Variants in ACOT11 observed in about 807,000 individuals in gnomAD.
The protein encoded by ACOT11 is acyl-coenzyme A thioesterase 11.
In ACOT11, 69 loss-of-function variants were observed where a neutral mutation model predicts 77.5. The ratio of observed to expected loss-of-function variants is 0.89; its 90% confidence interval spans 0.73 to 1.09. ACOT11 has a LOEUF of 1.09. Ranked by LOEUF, ACOT11 falls within the 50% of genes least tolerant of loss-of-function variation. The pLI is 0.00. For missense variants in ACOT11, 766 were observed against 813.7 expected, an observed-to-expected ratio of 0.94 and a Z score of 0.71; for synonymous variants, 279 against 313.0, an observed-to-expected ratio of 0.89 and a Z score of 1.15.
chr1:54,620,145 C>T, intron 15 of ACOT11: 1 of 893,534 alleles, frequency 1.1e-6, no homozygotes, highest in South Asian at 1.8e-5. Context: ...GGCTCAGACT[C>T]ACTGGTGCTA....
chr1:54,574,224 C>T (rs1356322108), intron 1 of ACOT11, among the ~76,000 whole-genome samples: 2 of 152,162 alleles, frequency 1.3e-5, no homozygotes, highest in Non-Finnish European at 2.9e-5. Context: ...GGGACAGCGC[C>T]CAAACAATAC....
At chr1:54,569,483 C>T (rs537062863) in intron 1 of ACOT11, among the ~76,000 whole-genome samples, 2 of 152,220 alleles carry the variant, frequency 1.3e-5, no homozygotes, top group Non-Finnish European at 2.9e-5. Context: ...TCCTGAGCCA[C>T]TCCTTGTTCC....
In ACOT11 at chr1:54,584,604, C is replaced by G. The variant is rs1394088194; in HGVS notation, c.34-51C>G. On this transcript the variant is annotated intron_variant, in intron 1 of 15. Transcript: ENST00000343744. The surrounding 1 kb of genome is among the most constrained non-coding windows in gnomAD (Gnocchi z 6.3). ...TCAGGGCTGGACAGACCTGGGAGAC[C>G]CTGCAGCAAGCAGACCTCTCTGTCC... The G allele has an allele frequency of 1.3e-6, 2 of 1,558,218 alleles. No individual in the cohort carries two copies. The highest frequency in any genetic ancestry group is 1.8e-5 in the Admixed American group (1 of 55,536).
chr1:54,603,937 G>A lies in ACOT11; in HGVS notation c.1152G>A (p.Gln384=), dbSNP rs748635942. 4 of 1,613,978 alleles carry A rather than the reference G, an allele frequency of 2.5e-6. No individual in the cohort carries two copies. The highest frequency in any genetic ancestry group is 3.4e-6 in the Non-Finnish European group (4 of 1,179,872). ...PLSVPWDPSN[Q]VYLSYNNVSS... ...CCGTCCCCTGGGACCCTAGCAACCA[G>A]GTAAGGCTCTCTGCTCCGAGAGGAC... Residue 384 remains glutamine (Q), a splice_region_variant and synonymous_variant, in exon 11 of 16, where the codon CAG becomes CAA. Coordinates refer to ENST00000343744, the MANE Select transcript of ACOT11 (RefSeq NM_147161.4).
chr1:54,600,937 G>T (rs1643953636), intron 8 of ACOT11, among the ~76,000 whole-genome samples: 1 of 152,110 alleles, frequency 6.6e-6, no homozygotes, highest in South Asian at 2.1e-4. Context: ...GACTGGACAG[G>T]TTTATTCACT....
chr1:54,599,181 A>AAT (rs1189803916), intron 7 of ACOT11, 115 bp from the exon 8 acceptor site: 140 of 34,024 alleles, frequency 4.1e-3, no homozygotes, highest in East Asian at 0.013. Flanking sequence ...AAAAAAAAAA[A>AAT]ATATATATAT....
chr1:54,599,469 TGACCCTAGAAAG>T (rs1281721920), intron 8 of ACOT11, 54 bp downstream of exon 8: 1 of 1,485,114 alleles, frequency 6.7e-7, no homozygotes, highest in Admixed American at 1.8e-5. Context: ...GGGCTCTTCC[TGACCCTAGAAAG>T]GACCCTACTT....
intron 15 of ACOT11, chr1:54,621,380 C>T (rs1644228416): frequency 6.6e-6 from 1 of 152,114 alleles, no homozygotes. Flanking sequence ...TTGCTTGAAC[C>T]TGGGAGGCGG....
chr1:54,604,309 G>C (rs1371184600), intron 11 of ACOT11, 37 bp from the exon 12 acceptor site: 6 of 1,595,580 alleles, frequency 3.8e-6, no homozygotes, highest in African/African-American at 2.7e-5. Context: ...CTGAAGGAAG[G>C]GGGTGGGGTA....
chr1:54,571,662 C>T (rs1249087380), intron 1 of ACOT11, among the ~76,000 whole-genome samples: 2 of 152,198 alleles, frequency 1.3e-5, no homozygotes, highest in African/African-American at 4.8e-5. Flanking sequence ...AATCACAGCT[C>T]CTCTCCCACC....
At chr1:54,614,597 T>C (rs1644151610), downstream of ACOT11, 13 of 1,198,132 alleles carry the variant, frequency 1.1e-5, no homozygotes, top group Non-Finnish European at 1.2e-5. Flanking sequence ...CTATATATAG[T>C]ATGATTGGAG....
At chr1:54,565,528 A>G (rs1274578556) in intron 1 of ACOT11, among the ~76,000 whole-genome samples, 1 of 152,152 alleles carries the variant, frequency 6.6e-6, no homozygotes, top group Non-Finnish European at 1.5e-5. Flanking sequence ...CCAGGAGTGC[A>G]TGGGTGGCCC....
intron 15 of ACOT11, among the ~76,000 whole-genome samples, chr1:54,624,419 T>G (rs1644259216): frequency 6.6e-6 from 1 of 152,030 alleles, no homozygotes; most frequent in South Asian, 2.1e-4. Flanking sequence ...CGTGGGTCAT[T>G]CCTGAGTCCA....
chr1:54,625,712 C>T (rs1019484275), intron 15 of ACOT11, among the ~76,000 whole-genome samples: 5 of 151,648 alleles, frequency 3.3e-5, no homozygotes, highest in Admixed American at 1.3e-4. Context: ...CTGAGGTGGG[C>T]GGATCACCTG....
At chr1:54,550,489 G>A (rs922666966) in intron 1 of ACOT11, among the ~76,000 whole-genome samples, 6 of 152,246 alleles carry the variant, frequency 3.9e-5, no homozygotes, top group African/African-American at 1.2e-4. Flanking sequence ...TACCAAAGCT[G>A]TTTTTAATGA....
intron 1 of ACOT11, among the ~76,000 whole-genome samples, chr1:54,563,542 G>T (rs1249178699): frequency 1.3e-5 from 2 of 152,230 alleles, no homozygotes; most frequent in Non-Finnish European, 2.9e-5. Flanking sequence ...TAGTAAGGAT[G>T]CACCAGGATT....
intron 1 of ACOT11, among the ~76,000 whole-genome samples, chr1:54,579,380 T>C (rs1654222705): frequency 6.6e-6 from 1 of 152,210 alleles, no homozygotes; most frequent in Admixed American, 6.5e-5. Flanking sequence ...ATCCTGTGTG[T>C]GTCCCGGGTA....
intron 1 of ACOT11, among the ~76,000 whole-genome samples, chr1:54,579,748 G>A (rs1654238160): frequency 6.6e-6 from 1 of 152,250 alleles, no homozygotes; most frequent in South Asian, 2.1e-4. Flanking sequence ...GGGCGGGAGA[G>A]TGGGAGGAAC....
chr1:54,582,416 A>G (rs778693565), intron 1 of ACOT11: 23 of 985,024 alleles, frequency 2.3e-5, no homozygotes, highest in African/African-American at 3.5e-5. Context: ...TTGTCTTTGT[A>G]TTCTCTATCT....
Sources: allele counts gnomAD v4.1 joint callset (sites outside exome capture counted in the v4.1 genomes callset), GRCh38; gene constraint gnomAD v4.1.1; non-coding constraint Gnocchi (gnomAD v3.1); transcripts MANE v1.5; gene names NCBI Gene and HGNC (gene_info 2026-07-23, HGNC 2026-07-21).